The following NSD1 variants were observed in gnomAD, a reference collection of about 807,000 sequenced individuals.
The protein encoded by NSD1 is histone-lysine N-methyltransferase, H3 lysine-36 specific.
In NSD1, 26 loss-of-function variants were observed where a neutral mutation model predicts 242.7. That is an observed-to-expected ratio of 0.11 (90% CI 0.08 to 0.15). The LOEUF (loss-of-function observed/expected upper bound fraction) is 0.15, where lower values mean the gene tolerates loss of function less well. NSD1 is among the 10% of genes least tolerant of loss of function. The pLI is 1.00. For missense variants in NSD1, 2,495 were observed against 3,272.8 expected (o/e 0.76, Z 5.80); for synonymous variants, 1,106 against 1,178.1 (o/e 0.94, Z 1.25).
chr5:177,150,629 G>A (rs1043240435), intron 2 of NSD1, among the ~76,000 whole-genome samples: 11 of 151,258 alleles, frequency 7.3e-5, no homozygotes, highest in African/African-American at 2.7e-4. Flanking sequence ...AGCAATTGCT[G>A]GAAAGATAAA....
rs549104593 is a variant in NSD1, at chr5:177,182,954, T to A, written c.928-8930T>A. ...TGCCTGGCCTCTTTTTTTGTTTTTTTAAGTAAAGATGAGGTCTCACTTATA... is the reference window on the plus strand; with the variant it reads ...TGCCTGGCCTCTTTTTTTGTTTTTTAAAGTAAAGATGAGGTCTCACTTATA... On this transcript the variant is annotated intron_variant, in intron 2 of 22. Coordinates refer to ENST00000439151, the MANE Select transcript of NSD1 (RefSeq NM_022455.5). Among the ~76,000 whole-genome samples the A allele has an allele frequency of 2.6e-5, 4 of 152,244 alleles. No homozygotes were observed. The East Asian group carries it at 7.7e-4, about 29-fold the overall frequency.
intron 4 of NSD1, among the ~76,000 whole-genome samples, chr5:177,208,877 G>A (rs1272097689): frequency 6.6e-6 from 1 of 151,928 alleles, no homozygotes; most frequent in Non-Finnish European, 1.5e-5. Context: ...TTTATTTTTA[G>A]TAGAGATGGG....
chr5:177,168,543 T>G (rs1419034050), intron 2 of NSD1, among the ~76,000 whole-genome samples: 1 of 150,614 alleles, frequency 6.6e-6, no homozygotes, highest in African/African-American at 2.4e-5. Context: ...CACTGCAGCC[T>G]CTGCCTCCCG....
chr5:177,217,056 G>A (rs1346247510), intron 5 of NSD1, among the ~76,000 whole-genome samples: 3 of 150,458 alleles, frequency 2.0e-5, no homozygotes, highest in Non-Finnish European at 4.4e-5. Context: ...AATGGCTTTT[G>A]AGATGTTGAT....
intron 13 of NSD1, among the ~76,000 whole-genome samples, chr5:177,259,738 G>C (rs1756833804): frequency 6.6e-6 from 1 of 152,172 alleles, no homozygotes; most frequent in East Asian, 1.9e-4. Context: ...ACAGTGGTTT[G>C]AGTTGGGCTT....
At chr5:177,279,418 A>T (rs1307905996) in intron 17 of NSD1, among the ~76,000 whole-genome samples, 3 of 151,948 alleles carry the variant, frequency 2.0e-5, no homozygotes, top group Non-Finnish European at 4.4e-5. Context: ...GAATGGCTAG[A>T]ACCCAGGAGG....
At chr5:177,173,692 C>T (rs1037649917) in intron 2 of NSD1, among the ~76,000 whole-genome samples, 4 of 151,940 alleles carry the variant, frequency 2.6e-5, no homozygotes, top group Non-Finnish European at 5.9e-5. Context: ...AGGCTGGTCT[C>T]GAACTTTTGA....
chr5:177,171,598 G>C (rs1369175562), intron 2 of NSD1, among the ~76,000 whole-genome samples: 2 of 152,078 alleles, frequency 1.3e-5, no homozygotes, highest in African/African-American at 4.8e-5. Context: ...TCCCAAACAA[G>C]AACTCTGTAC....
chr5:177,173,466 C>CTTTTTTTTT (rs768982432), intron 2 of NSD1, among the ~76,000 whole-genome samples: 13 of 62,208 alleles, frequency 2.1e-4, no homozygotes, highest in African/African-American at 5.3e-4. Context: ...TACTATCTGG[C>CTTTTTTTTT]TTTTTTTTTT....
chr5:177,197,381 G>A (rs528305441), intron 3 of NSD1, among the ~76,000 whole-genome samples: 1 of 152,332 alleles, frequency 6.6e-6, no homozygotes, highest in African/African-American at 2.4e-5. Context: ...CCAGCACTTC[G>A]GGAGGCCGAG....
chr5:177,213,708 T>C (rs1033748818), intron 5 of NSD1, among the ~76,000 whole-genome samples: 1 of 152,140 alleles, frequency 6.6e-6, no homozygotes, highest in Admixed American at 6.6e-5. Flanking sequence ...CCTGACCTTG[T>C]GATCCGCCCG....
chr5:177,247,356 G>A (rs1460850379), intron 10 of NSD1, among the ~76,000 whole-genome samples: 1 of 152,188 alleles, frequency 6.6e-6, no homozygotes, highest in African/African-American at 2.4e-5. Flanking sequence ...GAACCCTTGA[G>A]GCAGAGGTTG....
At chr5:177,267,866 G>C in intron 15 of NSD1, 148 bp downstream of exon 15, 1 of 773,738 alleles carries the variant, frequency 1.3e-6, no homozygotes, top group Non-Finnish European at 2.1e-6. Context: ...CTTATAGGAA[G>C]AGAAACCTAA....
intron 3 of NSD1, among the ~76,000 whole-genome samples, chr5:177,193,076 G>A (rs1761828657): frequency 6.6e-6 from 1 of 152,050 alleles, no homozygotes; most frequent in African/African-American, 2.4e-5. Flanking sequence ...TGATTGTTGT[G>A]TTTGAATCTT....
At chr5:177,260,316 G>A (rs989799766) in intron 14 of NSD1, 148 bp downstream of exon 14, 15 of 568,206 alleles carry the variant, frequency 2.6e-5, no homozygotes, top group East Asian at 2.5e-4. Context: ...ATGATGTCCC[G>A]AATTAATGAT....
chr5:177,259,631 C>A (rs1468215655), intron 13 of NSD1, among the ~76,000 whole-genome samples: 1 of 152,178 alleles, frequency 6.6e-6, no homozygotes. Context: ...GGTTCGTTCA[C>A]TTGAAAGGCT....
chr5:177,290,887 TA>T (rs1271211201), intron 21 of NSD1, among the ~76,000 whole-genome samples: 1 of 152,214 alleles, frequency 6.6e-6, no homozygotes, highest in African/African-American at 2.4e-5. Flanking sequence ...AACCTGTACT[TA>T]ATGGTATTAA....
rs143440433 is a variant in NSD1, at chr5:177,140,407, A to G, written c.927+4377A>G. Among the ~76,000 whole-genome samples the G allele has an allele frequency of 2.6e-5, 4 of 152,304 alleles. No individual in the cohort carries two copies. In the East Asian group the frequency reaches 5.8e-4, roughly 22 times the overall value. Reference sequence around the variant, plus strand: ...GACTGAAGCATTTGGTATTGATGTGATGGGAACTGGCAGCCCTTGAGAGAT... The same window carrying G: ...GACTGAAGCATTTGGTATTGATGTGGTGGGAACTGGCAGCCCTTGAGAGAT... On this transcript the variant is annotated intron_variant, in intron 2 of 22. Coordinates refer to ENST00000439151, the MANE Select transcript of NSD1 (RefSeq NM_022455.5).
intron 2 of NSD1, among the ~76,000 whole-genome samples, chr5:177,145,842 A>G (rs1415063701): frequency 1.4e-5 from 2 of 145,378 alleles, no homozygotes; most frequent in East Asian, 4.2e-4. Context: ...CGGGAGGCGG[A>G]GGTTGTAGTG....
Sources: gnomAD v4.1 joint callset for allele counts (sites outside exome capture counted in the v4.1 genomes callset) on GRCh38, gnomAD v4.1.1 for gene constraint, MANE v1.5 for transcripts, NCBI Gene and HGNC (gene_info 2026-07-23, HGNC 2026-07-21) for gene names.